The following CSMD1 variants were observed in gnomAD, a reference collection of about 807,000 sequenced individuals.
The protein encoded by CSMD1 is CUB and Sushi multiple domains 1.
Under a neutral mutation model 417.5 loss-of-function variants are expected in CSMD1, and 213 were observed. That is an observed-to-expected ratio of 0.51 (90% confidence interval 0.46 to 0.57). The LOEUF is 0.57. CSMD1 is among the 20% of genes least tolerant of loss of function. The pLI is 0.00. For missense variants in CSMD1, 6,923 were observed against 4,529.7 expected, an observed-to-expected ratio of 1.53 and a Z score of -15.17; for synonymous variants, 2,862 against 1,736.8, an observed-to-expected ratio of 1.65 and a Z score of -16.11.
chr8:3,648,648 C>G (rs1325252874), intron 7 of CSMD1, among the ~76,000 whole-genome samples: 2 of 152,182 alleles, frequency 1.3e-5, no homozygotes, highest in Non-Finnish European at 2.9e-5. Flanking sequence ...ACAGGACAAA[C>G]TGACCTTACT....
rs546841786 is a variant in CSMD1 at position 4,361,727 on chromosome 8, G to C, written c.415+58226C>G. ...TCCCAACACTTTGGGAGGCCGAAGT[G>C]GGCGGATCACGAGGTCAGGAGATCG... On this transcript the variant is annotated intron_variant, in intron 3 of 69. Transcript: ENST00000635120. Among the ~76,000 whole-genome samples the C allele has an allele frequency of 7.2e-5, 11 of 151,768 alleles. No homozygotes were observed. The South Asian group carries it at 2.3e-3, about 31-fold the overall frequency.
chr8:3,092,102 C>G (rs1349089179), intron 47 of CSMD1, among the ~76,000 whole-genome samples: 2 of 151,838 alleles, frequency 1.3e-5, no homozygotes, highest in Non-Finnish European at 2.9e-5. Flanking sequence ...TTCTATGAAC[C>G]CTAGCACATG....
chr8:3,373,979 G>C (rs1426944187), intron 18 of CSMD1, among the ~76,000 whole-genome samples: 1 of 144,710 alleles, frequency 6.9e-6, no homozygotes, highest in Non-Finnish European at 1.5e-5. Flanking sequence ...TTGAGATGGA[G>C]ACTTGCTTCT....
chr8:4,945,217 G>A (rs1808289413), intron 1 of CSMD1, among the ~76,000 whole-genome samples: 2 of 152,144 alleles, frequency 1.3e-5, no homozygotes, highest in African/African-American at 4.8e-5. Context: ...GAGATAGAAA[G>A]TAGAATGGTG....
chr8:3,460,041 T>C (rs555644484), intron 12 of CSMD1, among the ~76,000 whole-genome samples: 100 of 152,274 alleles, frequency 6.6e-4, no homozygotes, highest in African/African-American at 2.3e-3. Context: ...TGCACAGGTG[T>C]GGGGCATAAA....
chr8:3,721,209 T>G (rs11136656), intron 6 of CSMD1, among the ~76,000 whole-genome samples: 123,850 of 152,116 alleles, frequency 0.81, 50,609 homozygotes, highest in Middle Eastern at 0.9. Context: ...TTCAAAGGAA[T>G]GCAATTTTAT....
At chr8:3,489,532 G>T (rs1489889775) in intron 11 of CSMD1, among the ~76,000 whole-genome samples, 1 of 152,158 alleles carries the variant, frequency 6.6e-6, no homozygotes, top group Non-Finnish European at 1.5e-5. Context: ...AGTCTCAATA[G>T]ATGTACTTGG....
chr8:3,685,101 C>T (rs992005622), intron 7 of CSMD1, among the ~76,000 whole-genome samples: 1 of 152,112 alleles, frequency 6.6e-6, no homozygotes, highest in African/African-American at 2.4e-5. Context: ...TTACTGGGTT[C>T]ATTATAGAAA....
intron 5 of CSMD1, among the ~76,000 whole-genome samples, chr8:3,915,374 C>A (rs531253861): frequency 4.2e-4 from 62 of 146,296 alleles, no homozygotes; most frequent in East Asian, 3.6e-3. Context: ...CCACTGCACT[C>A]CAGCCTAGGC....
At chr8:3,812,778 G>A (rs138953634) in intron 5 of CSMD1, among the ~76,000 whole-genome samples, 64 of 152,302 alleles carry the variant, frequency 4.2e-4, no homozygotes, top group African/African-American at 1.5e-3. Flanking sequence ...AAGGGTCAAT[G>A]TATAGTAGCT....
chr8:4,015,205 C>T (rs551933214), intron 4 of CSMD1, among the ~76,000 whole-genome samples: 18 of 152,226 alleles, frequency 1.2e-4, no homozygotes, highest in South Asian at 1.0e-3. Flanking sequence ...CTTGTCCTGA[C>T]GTGACAGATC....
intron 3 of CSMD1, among the ~76,000 whole-genome samples, chr8:4,163,712 G>A (rs999873041): frequency 2.4e-4 from 37 of 152,086 alleles, no homozygotes; most frequent in African/African-American, 7.7e-4. Context: ...TTTTTATGGT[G>A]GATGTGATGA....
Position 2,966,719 on chromosome 8 carries a change from G to A in CSMD1, c.8951C>T (p.Pro2984Leu). ...ACTACTGACAATCATTCCGTTGGTG[G>A]GTGTGCCAGGGTTGCCACAGGACAC... is the stretch of plus-strand genomic sequence containing the variant. The part of the protein sequence containing the change: ...EAVSCGNPGT[P>L]TNGMIVSSDG... The change falls in exon 58 of 70, where the codon CCC becomes CTC. Residue 2984 changes from proline to leucine, a missense_variant. By Grantham distance (98) the Pro-to-Leu change is moderately conservative (BLOSUM62 -3). Transcript: ENST00000635120. The A allele has an allele frequency of 6.2e-7, 1 of 1,613,588 alleles. No individual in the cohort carries two copies.
At chr8:4,220,553 T>G (rs1211794765) in intron 3 of CSMD1, among the ~76,000 whole-genome samples, 5 of 152,214 alleles carry the variant, frequency 3.3e-5, no homozygotes, top group Non-Finnish European at 7.4e-5. Flanking sequence ...TAAACAATTT[T>G]AGGTTTTGTG....
At chr8:3,350,519 T>C (rs1721122841) in intron 21 of CSMD1, among the ~76,000 whole-genome samples, 1 of 152,028 alleles carries the variant, frequency 6.6e-6, no homozygotes, top group African/African-American at 2.4e-5. Context: ...TTTTAAAAAA[T>C]ATCCTAAATA....
chr8:3,853,790 A>C (rs1804086576), intron 5 of CSMD1, among the ~76,000 whole-genome samples: 1 of 151,504 alleles, frequency 6.6e-6, no homozygotes, highest in Admixed American at 6.6e-5. Context: ...TACTGGGTGC[A>C]GCACACCAAC....
chr8:3,874,162 C>T, intron 5 of CSMD1, among the ~76,000 whole-genome samples: 1 of 152,142 alleles, frequency 6.6e-6, no homozygotes, highest in East Asian at 1.9e-4. Flanking sequence ...CTGCTATGTG[C>T]TATAAAGTGT....
chr8:4,657,550 A>T (rs1023635530), intron 1 of CSMD1, among the ~76,000 whole-genome samples: 1 of 152,196 alleles, frequency 6.6e-6, no homozygotes, highest in Admixed American at 6.5e-5. Flanking sequence ...ACCTTATAAA[A>T]ATTGTTTTTA....
chr8:4,751,730 C>G (rs562062729), intron 1 of CSMD1, among the ~76,000 whole-genome samples: 4 of 152,298 alleles, frequency 2.6e-5, no homozygotes, highest in Admixed American at 1.3e-4. Flanking sequence ...CCCTGTCAGT[C>G]TGCTGTGGAG....
Sources: gnomAD v4.1 joint callset for allele counts (sites outside exome capture counted in the v4.1 genomes callset) on GRCh38, gnomAD v4.1.1 for gene constraint, MANE v1.5 for transcripts, NCBI Gene and HGNC (gene_info 2026-07-23, HGNC 2026-07-21) for gene names.